USP34: variants seen among roughly 807,000 people sequenced by gnomAD.
The protein encoded by USP34 is ubiquitin specific peptidase 34.
In USP34, 70 loss-of-function variants were observed where a neutral mutation model predicts 460.3. The observed-to-expected ratio is 0.15, with a 90% CI of 0.13 to 0.19. The LOEUF is 0.19. Among genes scored for constraint, USP34 ranks in the 10% least tolerant of loss-of-function variants. USP34 has a pLI of 1.00. For missense variants in USP34, 3,985 were observed against 4,236.2 expected (o/e 0.94, Z 1.65); for synonymous variants, 1,647 against 1,405.3 (o/e 1.17, Z -3.85).
At chr2:61,318,085 C>T (rs1286939893) in intron 22 of USP34, among the ~76,000 whole-genome samples, 3 of 147,976 alleles carry the variant, frequency 2.0e-5, no homozygotes, top group Middle Eastern at 3.4e-3. Flanking sequence ...CCCAACTACT[C>T]GGGAGGCTGT....
rs1572924959 is a variant in USP34, at chr2:61,312,778, G to A, written c.3543-868C>T. On this transcript the variant is annotated intron_variant, in intron 25 of 79. Coordinates refer to ENST00000398571, the MANE Select transcript of USP34 (RefSeq NM_014709.4). ...GCTGTATCTCATGCTCTGATGTTCA[G>A]CAGCATCTCACCAGATACCAATAAC... 2.0e-5 allele frequency among the ~76,000 whole-genome samples: 3 copies of A among 152,154 alleles called. No homozygotes were observed. In the South Asian group the frequency reaches 6.2e-4, roughly 32 times the overall value.
intron 10 of USP34, among the ~76,000 whole-genome samples, chr2:61,362,127 G>T (rs1453897970): frequency 6.6e-6 from 1 of 152,104 alleles, no homozygotes; most frequent in African/African-American, 2.4e-5. Context: ...CACCTACGTT[G>T]TAACAACTAT....
intron 12 of USP34, among the ~76,000 whole-genome samples, 181 bp from the exon 13 acceptor site, chr2:61,349,466 G>C (rs773244762): frequency 6.6e-6 from 1 of 152,104 alleles, no homozygotes; most frequent in Non-Finnish European, 1.5e-5. Context: ...GCCTAAGAGA[G>C]GGGTAGTATA....
chr2:61,249,388 A>G (rs146802385), intron 48 of USP34, among the ~76,000 whole-genome samples: 1 of 152,252 alleles, frequency 6.6e-6, no homozygotes, highest in Non-Finnish European at 1.5e-5. Context: ...GATGGTTTAC[A>G]TCCCAGGTGG....
intron 3 of USP34, among the ~76,000 whole-genome samples, chr2:61,403,298 G>A (rs17483532): frequency 0.1 from 15,744 of 152,064 alleles, 1,065 homozygotes; most frequent in Non-Finnish European, 0.15. Flanking sequence ...AAACACTGAT[G>A]AGCAAGTTTA....
chr2:61,254,919 C>T (rs1333869131), intron 48 of USP34, among the ~76,000 whole-genome samples: 1 of 152,168 alleles, frequency 6.6e-6, no homozygotes, highest in East Asian at 1.9e-4. Flanking sequence ...ACAATCATGG[C>T]TCACTGTAAG....
chr2:61,363,224 A>T (rs554876888), intron 10 of USP34, among the ~76,000 whole-genome samples: 2 of 152,290 alleles, frequency 1.3e-5, no homozygotes, highest in African/African-American at 4.8e-5. Context: ...ATAGGCAAGG[A>T]TGTGGAGAAA....
chr2:61,293,675 A>G (rs897621930), intron 32 of USP34, 125 bp from the exon 33 acceptor site: 2 of 637,664 alleles, frequency 3.1e-6, no homozygotes, highest in Non-Finnish European at 5.2e-6. Context: ...ATTCATTTAA[A>G]TTACCAAAAT....
At chr2:61,454,251 A>C (rs538935086) in intron 1 of USP34, among the ~76,000 whole-genome samples, 2 of 151,952 alleles carry the variant, frequency 1.3e-5, no homozygotes, top group African/African-American at 4.8e-5. Context: ...CTGCCTCCCA[A>C]GTAGCTGGGG....
In USP34 at chr2:61,206,733, A is replaced by G. The variant is rs200094944; in HGVS notation, c.9046+27T>C. The G allele has an allele frequency of 3.4e-4, 552 of 1,608,764 alleles. 1 individual carries two copies. Among genetic ancestry groups the G allele is most frequent in the Middle Eastern group, 2.8e-3 (17 of 6,026 alleles). ...TCTCTCTTTACTAGTAGCACGAACAAAACATAAGAAGTAGGAATGAGCAAA... is the reference window on the plus strand; with the variant it reads ...TCTCTCTTTACTAGTAGCACGAACAGAACATAAGAAGTAGGAATGAGCAAA... On this transcript the variant is annotated intron_variant, in intron 71 of 79. Transcript: ENST00000398571.
chr2:61,257,455 C>T (rs1486344429), intron 44 of USP34, 105 bp from the exon 45 acceptor site: 2 of 889,994 alleles, frequency 2.2e-6, no homozygotes, highest in Non-Finnish European at 3.1e-6. Context: ...AGTAAATCTA[C>T]TAAGTTAGTT....
chr2:61,388,786 T>TAC lies in USP34; in HGVS notation c.754-5452_754-5451dup, dbSNP rs1444018041. On this transcript the variant is annotated intron_variant, in intron 5 of 79. Transcript: ENST00000398571. Reference sequence around the variant, plus strand: ...AAGAATATATATATATATATATATGTACACACACACACACACAAACACCCT... The same window carrying TAC: ...AAGAATATATATATATATATATATGTACACACACACACACACACAAACACCCT... Among the ~76,000 whole-genome samples the TAC allele has an allele frequency of 7.0e-3, 1,001 of 143,122 alleles. 3 individuals are homozygous for TAC. Among genetic ancestry groups the TAC allele is most frequent in the African/African-American group, 0.022 (856 of 38,710 alleles). The allele number at this position is 143,122 out of a possible 152,430, so 93.9% of individuals were successfully genotyped here.
intron 10 of USP34, among the ~76,000 whole-genome samples, chr2:61,359,748 A>G (rs1190715488): frequency 1.3e-5 from 2 of 151,454 alleles, no homozygotes; most frequent in African/African-American, 4.8e-5. Context: ...TTACCTCAGC[A>G]TAAGAGGCCA....
chr2:61,301,726 C>A (rs537370498), intron 27 of USP34, among the ~76,000 whole-genome samples: 94 of 152,308 alleles, frequency 6.2e-4, no homozygotes, highest in Non-Finnish European at 7.2e-4. Flanking sequence ...TTGAAAATAA[C>A]AAGTATATTA....
intron 10 of USP34, among the ~76,000 whole-genome samples, chr2:61,369,512 G>A (rs1395811569): frequency 6.6e-6 from 1 of 151,826 alleles, no homozygotes; most frequent in East Asian, 1.9e-4. Flanking sequence ...GCGTGGCGGT[G>A]CATACCTATA....
rs545374259 is a variant in USP34, at chr2:61,261,978, C to T, written c.5779-2202G>A. On this transcript the variant is annotated intron_variant, in intron 43 of 79. Transcript: ENST00000398571. ...ATTAGCCAGGTGCCTGTAATCCCAG[C>T]TATTCGGGAGGCTGAGGCAGGAGAA... Among the ~76,000 whole-genome samples the T allele has an allele frequency of 7.3e-5, 11 of 150,298 alleles. No individual in the cohort carries two copies. In the East Asian group the frequency reaches 2.2e-3, roughly 30 times the overall value.
intron 1 of USP34, among the ~76,000 whole-genome samples, chr2:61,467,769 T>C (rs1176248047): frequency 6.6e-6 from 1 of 151,708 alleles, no homozygotes; most frequent in Non-Finnish European, 1.5e-5. Context: ...TACAGATGCC[T>C]ACACCACCAC....
intron 69 of USP34, among the ~76,000 whole-genome samples, chr2:61,210,066 TA>T (rs1210262598): frequency 6.6e-6 from 1 of 152,174 alleles, no homozygotes; most frequent in Non-Finnish European, 1.5e-5. Context: ...ATCAAGAAGT[TA>T]AAAAAACTTA....
intron 41 of USP34, 185 bp downstream of exon 41, chr2:61,277,980 C>G (rs1037747226): frequency 2.7e-6 from 2 of 730,668 alleles, no homozygotes; most frequent in East Asian, 3.0e-5. Flanking sequence ...GACTTGCCTT[C>G]CGGCACGATT....
Sources: gnomAD v4.1 joint callset for allele counts (sites outside exome capture counted in the v4.1 genomes callset) on GRCh38, gnomAD v4.1.1 for gene constraint, MANE v1.5 for transcripts, NCBI Gene and HGNC (gene_info 2026-07-23, HGNC 2026-07-21) for gene names.